EFCAB8: variants seen among roughly 807,000 people sequenced by gnomAD.
EFCAB8 encodes EF-hand calcium-binding domain-containing protein 8.
Under a neutral mutation model 116.3 loss-of-function variants are expected in EFCAB8, and 100 were observed. The observed-to-expected ratio is 0.86, with a 90% CI of 0.73 to 1.02. EFCAB8 has a LOEUF of 1.02. EFCAB8 is among the 50% of genes least tolerant of loss of function. EFCAB8 has a pLI of 0.00. For synonymous variants in EFCAB8, 558 were observed against 567.9 expected (o/e 0.98, Z 0.25); for missense variants, 1,320 against 1,416.9 (o/e 0.93, Z 1.10).
intron 19 of EFCAB8, 102 bp from the exon 20 acceptor site, chr20:32,919,976 G>C (rs1987369850): frequency 2.8e-6 from 4 of 1,450,534 alleles, no homozygotes; most frequent in Non-Finnish European, 3.8e-6. Context: ...TACTGCGGGG[G>C]CTTGGGAGTG....
intron 21 of EFCAB8, 115 bp downstream of exon 21, chr20:32,930,731 T>A: frequency 1.9e-6 from 2 of 1,027,332 alleles, no homozygotes; most frequent in East Asian, 2.6e-5. Flanking sequence ...TGGTTCCATT[T>A]GTGAAACAAT....
intron 16 of EFCAB8, among the ~76,000 whole-genome samples, chr20:32,912,248 C>T (rs533147953): frequency 2.4e-4 from 37 of 151,984 alleles, no homozygotes; most frequent in Non-Finnish European, 5.0e-4. Context: ...ACCAGCCTGG[C>T]TAATATGGTG....
In EFCAB8 at chr20:32,863,663, G is replaced by GA. The variant is rs1984241495; in HGVS notation, c.-10-118dup. On this transcript the variant is annotated intron_variant, in intron 1 of 26. Transcript: ENST00000400522. ...CGCTGGGAGTGTCCATGGGCAAGGG[G>GA]AAGCCACCCTCTCCCTTGACCTTGA... 4.4e-6 allele frequency: 4 copies of GA among 901,968 alleles called. No homozygotes were observed. In the East Asian group the frequency reaches 1.2e-4, roughly 26 times the overall value. 55.9% of individuals were successfully genotyped at this position (901,968 alleles called of 1,614,324 possible). A position where few individuals can be genotyped will look rare whatever the true frequency, so the allele number is the denominator to read the frequency against.
At chr20:32,912,302 G>A (rs190623520) in intron 16 of EFCAB8, among the ~76,000 whole-genome samples, 62 of 152,118 alleles carry the variant, frequency 4.1e-4, no homozygotes, top group Middle Eastern at 3.4e-3. Flanking sequence ...TTAGCCAGGC[G>A]TGGTGGTGGC....
chr20:32,906,916 G>A lies in EFCAB8; in HGVS notation c.1230G>A (p.Lys410=). Residue 410 remains lysine, a synonymous_variant, in exon 13 of 27, where the codon AAG becomes AAA. Transcript: ENST00000400522. ...FVSKRPVWLM[K]GHQTSVTHIL... ...CAAAGAGGCCCGTGTGGCTGATGAA[G>A]GGACACCAGACCTCAGTGACGCACA... 1 of 1,551,050 alleles carries A rather than the reference G, an allele frequency of 6.4e-7. No homozygotes were observed. Among genetic ancestry groups the A allele is most frequent in the South Asian group, 1.2e-5 (1 of 83,930 alleles).
intron 23 of EFCAB8, among the ~76,000 whole-genome samples, chr20:32,956,949 T>G (rs1988982604): frequency 2.0e-5 from 3 of 151,048 alleles, no homozygotes; most frequent in African/African-American, 7.3e-5. Context: ...TATTCTTTTT[T>G]TTTTTTTTCA....
chr20:32,928,602 T>G (rs2146270982), intron 20 of EFCAB8, among the ~76,000 whole-genome samples: 1 of 152,208 alleles, frequency 6.6e-6, no homozygotes, highest in East Asian at 1.9e-4. Flanking sequence ...GTTAGCCCCT[T>G]TTTTTTGGTG....
rs558705381 is a variant in EFCAB8 at position 32,936,182 on chromosome 20, G to A, written c.2790+4846G>A. ...TGAGTAGCTGGGATTATAGGCGTGT[G>A]CCACCATGCCTAGCTAATTTTTGTA... On this transcript the variant is annotated intron_variant, in intron 22 of 26. Transcript: ENST00000400522. 9.9e-5 allele frequency among the ~76,000 whole-genome samples: 15 copies of A among 152,156 alleles called. No homozygotes were observed. The South Asian group carries it at 3.1e-3, about 32-fold the overall frequency.
chr20:32,953,055 A>C (rs537222473), intron 23 of EFCAB8, among the ~76,000 whole-genome samples: 2 of 152,354 alleles, frequency 1.3e-5, no homozygotes, highest in East Asian at 3.9e-4. Flanking sequence ...TTACTCACCT[A>C]AGTAGAATAA....
At chr20:32,951,168 A>C (rs547964773) in intron 23 of EFCAB8, among the ~76,000 whole-genome samples, 14 of 152,368 alleles carry the variant, frequency 9.2e-5, no homozygotes, top group Middle Eastern at 3.4e-3. Flanking sequence ...ATGTGCCCCT[A>C]TGATATGAAT....
At chr20:32,950,549 T>C (rs976259010) in intron 23 of EFCAB8, among the ~76,000 whole-genome samples, 3 of 152,094 alleles carry the variant, frequency 2.0e-5, no homozygotes, top group Non-Finnish European at 4.4e-5. Flanking sequence ...GGATTCAGGG[T>C]GGGAGAATTT....
rs140527644 is a variant in EFCAB8, at chr20:32,907,575, G to A, written c.1308+581G>A. 6.6e-4 allele frequency among the ~76,000 whole-genome samples: 100 copies of A among 152,324 alleles called. 1 individual carries two copies. In the East Asian group the frequency reaches 0.017, roughly 25 times the overall value. ...GGCCCTCCTTTAGGGGACAGGTTAC[G>A]TTTTCTGGAACTCTGGAGATGGAGA... On this transcript the variant is annotated intron_variant, in intron 13 of 26. Coordinates refer to ENST00000400522, the MANE Select transcript of EFCAB8 (RefSeq NM_001143967.2).
At chr20:32,890,564 A>G (rs1985863685) in intron 7 of EFCAB8, among the ~76,000 whole-genome samples, 1 of 152,170 alleles carries the variant, frequency 6.6e-6, no homozygotes, top group Non-Finnish European at 1.5e-5. Context: ...ATGCTCGATG[A>G]CTATTGAATG....
Position 32,961,160 on chromosome 20 carries a change from C to T in EFCAB8, c.3418C>T (p.Leu1140=), listed in dbSNP as rs1225377383. 3 of 1,552,174 alleles carry T rather than the reference C, an allele frequency of 1.9e-6. No individual in the cohort carries two copies. Among genetic ancestry groups the T allele is most frequent in the African/African-American group, 1.4e-5 (1 of 73,048 alleles). ...HQISPQVYQS[L]HFSDLMPTQQ... ...GATCTCGCCTCAGGTCTACCAAAGC[C>T]TGCACTTCAGTGATCTGATGCCGAC... The change falls in exon 27 of 27, where the codon CTG becomes TTG. Residue 1140 remains leucine (L), a synonymous_variant. Transcript: ENST00000400522.
At position 32,961,148 on chromosome 20, in the gene EFCAB8, G is replaced by A. The variant is rs934958028; in HGVS notation, c.3406G>A (p.Val1136Ile). Reference sequence around the variant, plus strand: ...CTGTTCCCTGCAGATCTCGCCTCAGGTCTACCAAAGCCTGCACTTCAGTGA... The same window carrying A: ...CTGTTCCCTGCAGATCTCGCCTCAGATCTACCAAAGCCTGCACTTCAGTGA... ...GWMKHQISPQ[V>I]YQSLHFSDLM... The change falls in exon 27 of 27, where the codon GTC becomes ATC. Residue 1136 changes from valine (V) to isoleucine (I), a missense_variant. Transcript: ENST00000400522. The A allele has an allele frequency of 6.4e-7, 1 of 1,552,174 alleles. No homozygotes were observed. Among genetic ancestry groups the A allele is most frequent in the Non-Finnish European group, 8.7e-7 (1 of 1,147,092 alleles).
rs1319133539 is a variant in EFCAB8, at chr20:32,912,996, G to A, written c.1856+132G>A. The A allele has an allele frequency of 8.0e-6, 5 of 626,682 alleles. No homozygotes were observed. In the Admixed American group the frequency reaches 1.5e-4, roughly 18 times the overall value. The allele number at this position is 626,682 out of a possible 1,614,324, so 38.8% of individuals were successfully genotyped here. A position where few individuals can be genotyped will look rare whatever the true frequency, so the allele number is the denominator to read the frequency against. ...AAGTTAGTGGTGGTTAATGACTATT[G>A]CTTCATCTGCTCATCCATCCATTTA... On this transcript the variant is annotated intron_variant, in intron 17 of 26. Transcript: ENST00000400522.
chr20:32,921,222 G>T (rs118131001), intron 20 of EFCAB8, among the ~76,000 whole-genome samples: 21 of 151,850 alleles, frequency 1.4e-4, no homozygotes, highest in Non-Finnish European at 7.4e-5. Flanking sequence ...TTGAGACAGG[G>T]TCTCACTGTC....
chr20:32,883,005 AT>A (rs1459243853), intron 5 of EFCAB8, among the ~76,000 whole-genome samples: 1 of 151,944 alleles, frequency 6.6e-6, no homozygotes, highest in Non-Finnish European at 1.5e-5. Context: ...TAGTTTTTGT[AT>A]TTTTAATAGA....
intron 5 of EFCAB8, among the ~76,000 whole-genome samples, chr20:32,881,830 A>T (rs1985354262): frequency 6.6e-6 from 1 of 152,162 alleles, no homozygotes; most frequent in Non-Finnish European, 1.5e-5. Flanking sequence ...ATTTTGCCAG[A>T]TGGGATGAAG....
Sources: gnomAD v4.1 joint callset for allele counts (sites outside exome capture counted in the v4.1 genomes callset) on GRCh38, gnomAD v4.1.1 for gene constraint, MANE v1.5 for transcripts, NCBI Gene and HGNC (gene_info 2026-07-23, HGNC 2026-07-21) for gene names.